The following SH3PXD2B variants were observed in gnomAD, a reference collection of about 807,000 sequenced individuals.
SH3PXD2B encodes the protein SH3 and PX domain-containing protein 2B.
Under a neutral mutation model 73.1 loss-of-function variants are expected in SH3PXD2B, and 37 were observed. The ratio of observed to expected loss-of-function variants is 0.51; its 90% CI spans 0.39 to 0.67. SH3PXD2B has a LOEUF of 0.67. Among genes scored for constraint, SH3PXD2B ranks in the 30% least tolerant of loss-of-function variants. The pLI is 0.00. For missense variants in SH3PXD2B, 1,053 were observed against 1,197.8 expected (o/e 0.88, Z 1.78); for synonymous variants, 457 against 480.5 (o/e 0.95, Z 0.64).
chr5:172,390,680 A>G (rs1758162531), intron 4 of SH3PXD2B, among the ~76,000 whole-genome samples: 1 of 152,256 alleles, frequency 6.6e-6, no homozygotes, highest in Admixed American at 6.5e-5. Flanking sequence ...TAATGTTGCC[A>G]TGAACATTTG....
chr5:172,365,494 C>G (rs74776329), intron 6 of SH3PXD2B, among the ~76,000 whole-genome samples: 3,824 of 152,298 alleles, frequency 0.025, 187 homozygotes, highest in African/African-American at 0.088. Flanking sequence ...TGCGGGCTCT[C>G]CTTCCCCGAG....
chr5:172,357,727 CACAA>C (rs1297813085), intron 8 of SH3PXD2B, among the ~76,000 whole-genome samples: 1 of 152,194 alleles, frequency 6.6e-6, no homozygotes, highest in East Asian at 1.9e-4. Context: ...TGGCGGGCCT[CACAA>C]ACACAGAGCA....
intron 1 of SH3PXD2B, among the ~76,000 whole-genome samples, chr5:172,431,613 T>G (rs1759242483): frequency 6.6e-6 from 1 of 152,166 alleles, no homozygotes; most frequent in African/African-American, 2.4e-5. Context: ...CAATGTAATC[T>G]CAATCTCAAA....
chr5:172,373,908 A>C, intron 5 of SH3PXD2B, 93 bp from the exon 6 acceptor site: 5 of 1,340,668 alleles, frequency 3.7e-6, no homozygotes, highest in Non-Finnish European at 5.3e-6. Context: ...GAGATTCTCC[A>C]CCCCCCACAA....
At chr5:172,362,636 G>A in intron 7 of SH3PXD2B, 99 bp downstream of exon 7, 3 of 1,574,834 alleles carry the variant, frequency 1.9e-6, no homozygotes, top group Non-Finnish European at 1.7e-6. Flanking sequence ...GAACTGGCCA[G>A]TCTGGACTGG....
intron 2 of SH3PXD2B, among the ~76,000 whole-genome samples, chr5:172,417,544 T>C (rs1466284337): frequency 1.3e-5 from 2 of 152,226 alleles, no homozygotes; most frequent in Non-Finnish European, 2.9e-5. Context: ...CTTCTGTCAT[T>C]TGTACCTAAA....
In SH3PXD2B at chr5:172,347,282, C is replaced by T; in HGVS notation, c.1062+1G>A. On this transcript the variant is annotated splice_donor_variant, in intron 11 of 12. Coordinates refer to ENST00000311601, the MANE Select transcript of SH3PXD2B (RefSeq NM_001017995.3). LOFTEE classifies it high-confidence loss of function. Reference sequence around the variant, plus strand: ...CTCCCCAGTAGCGAGGATCCACTTACAATGGTCATGTCCCGGCGAGGAGGG... The same window carrying T: ...CTCCCCAGTAGCGAGGATCCACTTATAATGGTCATGTCCCGGCGAGGAGGG... The T allele has an allele frequency of 6.2e-7, 1 of 1,614,146 alleles. No homozygotes were observed. Among genetic ancestry groups the T allele is most frequent in the Non-Finnish European group, 8.5e-7 (1 of 1,180,000 alleles).
intron 12 of SH3PXD2B, among the ~76,000 whole-genome samples, chr5:172,340,728 G>A (rs1464560300): frequency 1.3e-5 from 2 of 152,170 alleles, no homozygotes; most frequent in Non-Finnish European, 1.5e-5. Flanking sequence ...CCAAGTAGCT[G>A]GGATTACAGG....
chr5:172,335,422 G>GAAC lies in SH3PXD2B; in HGVS notation c.*2944_*2946dup, dbSNP rs200509932. ...AGAAAAGTCATGGACACGAGGGAAA[G>GAAC]AACAACAACAACAAAACCAAACAAA... On this transcript the variant is annotated 3_prime_UTR_variant, in exon 13 of 13. Coordinates refer to ENST00000311601, the MANE Select transcript of SH3PXD2B (RefSeq NM_001017995.3). 7.5e-6 allele frequency: 9 copies of GAAC among 1,203,160 alleles called. No homozygotes were observed. Among genetic ancestry groups the GAAC allele is most frequent in the Non-Finnish European group, 9.2e-6 (9 of 976,840 alleles). 74.5% of individuals were successfully genotyped at this position (1,203,160 alleles called of 1,614,324 possible). A position where few individuals can be genotyped will look rare whatever the true frequency, so the allele number is the denominator to read the frequency against.
intron 1 of SH3PXD2B, among the ~76,000 whole-genome samples, chr5:172,439,238 G>GAAAAAAAA (rs922645535): frequency 9.0e-5 from 3 of 33,230 alleles, no homozygotes; most frequent in African/African-American, 4.3e-4. Flanking sequence ...AGAAAAAACA[G>GAAAAAAAA]AAAAAAAAAA....
At chr5:172,376,248 T>G (rs1371518256) in intron 5 of SH3PXD2B, among the ~76,000 whole-genome samples, 1 of 152,054 alleles carries the variant, frequency 6.6e-6, no homozygotes, top group Non-Finnish European at 1.5e-5. Flanking sequence ...AGGCTGGTCT[T>G]GAAGTCCTGA....
chr5:172,353,797 G>T lies in SH3PXD2B; in HGVS notation c.785+91C>A, dbSNP rs369947505. 5.1e-6 allele frequency: 5 copies of T among 977,500 alleles called. No individual in the cohort carries two copies. The highest frequency in any genetic ancestry group is 3.8e-5 in the South Asian group (3 of 78,002). 60.6% of individuals were successfully genotyped at this position (977,500 alleles called of 1,614,324 possible). A position where few individuals can be genotyped will look rare whatever the true frequency, so the allele number is the denominator to read the frequency against. The stretch of plus-strand genomic sequence containing the variant: ...CTTCGCCCAGATGCAATCACTTACC[G>T]ACCTCTGTGAGGCCAGAGTCCCTGT... On this transcript the variant is annotated intron_variant, in intron 9 of 12. Coordinates refer to ENST00000311601, the MANE Select transcript of SH3PXD2B (RefSeq NM_001017995.3). The surrounding 1 kb of genome is among the most constrained non-coding windows in gnomAD (Gnocchi z 4.3).
intron 4 of SH3PXD2B, among the ~76,000 whole-genome samples, chr5:172,383,402 A>C (rs529841800): frequency 6.6e-6 from 1 of 152,270 alleles, no homozygotes; most frequent in South Asian, 2.1e-4. Flanking sequence ...AATGAGCAAA[A>C]ATTTTCTTTG....
At chr5:172,401,655 CAGA>C (rs1253770164) in intron 3 of SH3PXD2B, among the ~76,000 whole-genome samples, 1 of 152,174 alleles carries the variant, frequency 6.6e-6, no homozygotes, top group African/African-American at 2.4e-5. Context: ...GAAGCCGTGG[CAGA>C]AGAACATAAA....
chr5:172,376,951 T>C (rs1052209511), intron 5 of SH3PXD2B, among the ~76,000 whole-genome samples: 1 of 152,184 alleles, frequency 6.6e-6, no homozygotes, highest in Non-Finnish European at 1.5e-5. Flanking sequence ...AGCTCCCCTC[T>C]TGGCTGCTGC....
chr5:172,334,735 T>C lies in SH3PXD2B; in HGVS notation c.*3634A>G. Reference sequence around the variant, plus strand: ...CTTCTTTTTCCCACTCTGTGCTGGGTACTTGGGAGAGGCGAAATAAATACC... The same window carrying C: ...CTTCTTTTTCCCACTCTGTGCTGGGCACTTGGGAGAGGCGAAATAAATACC... On this transcript the variant is annotated 3_prime_UTR_variant, in exon 13 of 13. Transcript: ENST00000311601. 1.0e-6 allele frequency: 1 copy of C among 985,450 alleles called. No homozygotes were observed. Among genetic ancestry groups the C allele is most frequent in the Non-Finnish European group, 1.2e-6 (1 of 829,948 alleles). The allele number at this position is 985,450 out of a possible 1,614,324, so 61.0% of individuals were successfully genotyped here.
intron 10 of SH3PXD2B, among the ~76,000 whole-genome samples, chr5:172,348,642 CTATCTATCTATCCTAT>C (rs1258813672): frequency 4.4e-4 from 30 of 67,498 alleles, no homozygotes; most frequent in Non-Finnish European, 7.7e-4. Context: ...ATCTATGTAT[CTATCTATCTATCCTAT>C]CTATCTATCT....
rs1300435674 is a variant in SH3PXD2B, at chr5:172,389,760, T to C, written c.309+4803A>G. Among the ~76,000 whole-genome samples, 4 of 152,024 alleles carry C rather than the reference T, an allele frequency of 2.6e-5. No individual in the cohort carries two copies. The East Asian group carries it at 5.8e-4, about 22-fold the overall frequency. On this transcript the variant is annotated intron_variant, in intron 4 of 12. Coordinates refer to ENST00000311601, the MANE Select transcript of SH3PXD2B (RefSeq NM_001017995.3). ...AAATAAAGCCTACTCCTCAAAGTGG[T>C]TGGAGAGATAAGACAAGGTCCCATC...
At chr5:172,409,995 C>A (rs947780021) in intron 2 of SH3PXD2B, among the ~76,000 whole-genome samples, 12 of 152,360 alleles carry the variant, frequency 7.9e-5, no homozygotes, top group African/African-American at 2.9e-4. Context: ...GGATTACAGG[C>A]ATGAGCCACT....
Sources: allele counts gnomAD v4.1 joint callset (sites outside exome capture counted in the v4.1 genomes callset), GRCh38; gene constraint gnomAD v4.1.1; non-coding constraint Gnocchi (gnomAD v3.1); transcripts MANE v1.5; gene names NCBI Gene and HGNC (gene_info 2026-07-23, HGNC 2026-07-21).